Variants in ARL16 observed in about 807,000 individuals in gnomAD.
ARL16 encodes the protein ADP-ribosylation factor-like protein 16.
ARL16 carries 21 observed loss-of-function variants against 14.1 expected under a neutral mutation model. The ratio of observed to expected loss-of-function variants is 1.48; its 90% CI spans 1.05 to 2.14. The LOEUF is 2.14. Among genes scored for constraint, ARL16 ranks in the 30% most tolerant of loss-of-function variants. ARL16 has a pLI of 0.00. For synonymous variants in ARL16, 122 were observed against 91.8 expected (o/e 1.33, Z -1.88); for missense variants, 248 against 222.0 (o/e 1.12, Z -0.74).
Position 81,683,604 on chromosome 17 carries a change from G to A in ARL16, c.62-10C>T. 1 of 1,600,172 alleles carries A rather than the reference G, an allele frequency of 6.2e-7. No individual in the cohort carries two copies. Among genetic ancestry groups the A allele is most frequent in the Non-Finnish European group, 8.5e-7 (1 of 1,175,662 alleles). On this transcript the variant is annotated splice_polypyrimidine_tract_variant and intron_variant, in intron 1 of 4. Coordinates refer to ENST00000622299, the MANE Select transcript of ARL16 (RefSeq NM_001040025.3). ...TCCCGGGAGCTCACCTGTGCGAAGCGGTCAAGGACCCGAGCAGCTAAAGGG... is the reference window on the plus strand; with the variant it reads ...TCCCGGGAGCTCACCTGTGCGAAGCAGTCAAGGACCCGAGCAGCTAAAGGG...
At chr17:81,682,828 C>T (rs2036876929) in intron 3 of ARL16, 185 bp downstream of exon 3, 2 of 601,312 alleles carry the variant, frequency 3.3e-6, no homozygotes, top group Admixed American at 3.1e-5. Context: ...GGCCTGGGAG[C>T]GCAAGCACCA....
In ARL16 at chr17:81,681,599, G is replaced by A. The variant is rs1356750802; in HGVS notation, c.*109C>T. 4 of 1,245,604 alleles carry A rather than the reference G, an allele frequency of 3.2e-6. No individual in the cohort carries two copies. In the African/African-American group the frequency reaches 6.1e-5, roughly 19 times the overall value. 77.2% of individuals were successfully genotyped at this position (1,245,604 alleles called of 1,614,324 possible). On this transcript the variant is annotated 3_prime_UTR_variant, in exon 5 of 5. Transcript: ENST00000622299. Reference sequence around the variant, plus strand: ...CTCAGCACAGAGCCCCATCATGTAGGGTTACTTTGGGTTATTCTGCCCCTG... The same window carrying A: ...CTCAGCACAGAGCCCCATCATGTAGAGTTACTTTGGGTTATTCTGCCCCTG...
rs1465638226 is a variant in ARL16 at position 81,683,696 on chromosome 17, G to T, written c.58C>A (p.Gln20Lys). The T allele has an allele frequency of 1.2e-6, 2 of 1,604,584 alleles. No homozygotes were observed. Among genetic ancestry groups the T allele is most frequent in the Non-Finnish European group, 1.7e-6 (2 of 1,176,704 alleles). The part of the protein sequence containing the change: ...VGKTLLVKRL[Q>K]EVSSRDGKGD... The stretch of plus-strand genomic sequence containing the variant: ...CCGTCCCCGCGCGGAAGGATATCCT[G>T]CAGCCGTTTCACCAGCAGCGTCTTC... The change falls in exon 1 of 5, where the codon CAG becomes AAG. Residue 20 changes from glutamine to lysine, a missense_variant. Transcript: ENST00000622299.
At position 81,683,496 on chromosome 17, in the gene ARL16, C is replaced by G. The variant is rs1026276668; in HGVS notation, c.120+40G>C. 1.8e-5 allele frequency: 28 copies of G among 1,521,744 alleles called. No individual in the cohort carries two copies. In the African/African-American group the frequency reaches 3.6e-4, roughly 20 times the overall value. The allele number at this position is 1,521,744 out of a possible 1,614,324, so 94.3% of individuals were successfully genotyped here. On this transcript the variant is annotated intron_variant, in intron 2 of 4. Transcript: ENST00000622299. Reference sequence around the variant, plus strand: ...CCGGAGCTCTTCGCCAAGCGCAGAACTGACCCCCCGCAACTCCACCCGCGG... The same window carrying G: ...CCGGAGCTCTTCGCCAAGCGCAGAAGTGACCCCCCGCAACTCCACCCGCGG...
rs761235155 is a variant in ARL16 at position 81,683,064 on chromosome 17, C to T, written c.183G>A (p.Gly61=). Residue 61 remains glycine, a synonymous_variant, in exon 3 of 5, where the codon GGG becomes GGA. Transcript: ENST00000622299. Reference sequence around the variant, plus strand: ...AACTGGACCAGATGGGGCCCATGCACCCCCCAAGCTCCCGGATGGTGATCT... The same window carrying T: ...AACTGGACCAGATGGGGCCCATGCATCCCCCAAGCTCCCGGATGGTGATCT... ...QRKITIRELG[G]CMGPIWSSYY... is the part of the protein sequence containing the mutation. The T allele has an allele frequency of 6.8e-6, 11 of 1,613,458 alleles. No homozygotes were observed. The East Asian group carries it at 8.9e-5, about 13-fold the overall frequency.
rs2036900824 is a variant in ARL16, at chr17:81,683,528, A to G, written c.120+8T>C. On this transcript the variant is annotated splice_region_variant and intron_variant, in intron 2 of 4. Coordinates refer to ENST00000622299, the MANE Select transcript of ARL16 (RefSeq NM_001040025.3). ...CCCGCAACTCCACCCGCGGGGGCGG[A>G]CACCTACCGTGGGCCGTGTCGGGGG... 1.9e-6 allele frequency: 3 copies of G among 1,575,818 alleles called. No individual in the cohort carries two copies. Among genetic ancestry groups the G allele is most frequent in the South Asian group, 1.2e-5 (1 of 85,266 alleles).
chr17:81,683,245 T>C, intron 2 of ARL16, 119 bp from the exon 3 acceptor site: 2 of 1,012,006 alleles, frequency 2.0e-6, no homozygotes, highest in South Asian at 3.1e-5. Context: ...CCATTCTCCC[T>C]AACGCAGGAA....
chr17:81,681,888 A>C lies in ARL16; in HGVS notation c.351-9T>G. 3 of 1,610,520 alleles carry C rather than the reference A, an allele frequency of 1.9e-6. No individual in the cohort carries two copies. The highest frequency in any genetic ancestry group is 2.5e-6 in the Non-Finnish European group (3 of 1,178,632). The stretch of plus-strand genomic sequence containing the variant: ...TGTAACAGGGTAGGTCGCTGGAGAG[A>C]AAGAGGTGCCCCATCAGAGCAGTGG... On this transcript the variant is annotated splice_polypyrimidine_tract_variant and intron_variant, in intron 4 of 4. Transcript: ENST00000622299.
intron 2 of ARL16, 173 bp from the exon 3 acceptor site, chr17:81,683,299 G>C (rs1002816943): frequency 2.5e-6 from 2 of 811,980 alleles, no homozygotes; most frequent in Non-Finnish European, 3.8e-6. Flanking sequence ...GACTCGCTGT[G>C]GGGGCGACCA....
chr17:81,681,890 A>G lies in ARL16; in HGVS notation c.351-11T>C. The G allele has an allele frequency of 6.2e-7, 1 of 1,610,302 alleles. No homozygotes were observed. The highest frequency in any genetic ancestry group is 8.5e-7 in the Non-Finnish European group (1 of 1,178,480). On this transcript the variant is annotated splice_polypyrimidine_tract_variant and intron_variant, in intron 4 of 4. Transcript: ENST00000622299. ...TAACAGGGTAGGTCGCTGGAGAGAA[A>G]GAGGTGCCCCATCAGAGCAGTGGCA...
At chr17:81,683,410 C>G (rs2036897109) in intron 2 of ARL16, 126 bp downstream of exon 2, 1 of 1,284,806 alleles carries the variant, frequency 7.8e-7, no homozygotes, top group Non-Finnish European at 1.0e-6. Flanking sequence ...TCCCCCGCTC[C>G]CGAAGGCTGG....
intron 2 of ARL16, 157 bp downstream of exon 2, chr17:81,683,379 A>G (rs1180046014): frequency 1.8e-6 from 2 of 1,084,218 alleles, no homozygotes; most frequent in African/African-American, 1.6e-5. Flanking sequence ...ATCCCGCGCC[A>G]ATTATCCTCA....
chr17:81,681,944 G>A, intron 4 of ARL16, 65 bp from the exon 5 acceptor site: 1 of 1,564,148 alleles, frequency 6.4e-7, no homozygotes, highest in Non-Finnish European at 8.7e-7. Flanking sequence ...ACCCCCAGCT[G>A]CACCACCTCC....
At chr17:81,682,815 G>A (rs760904460) in intron 3 of ARL16, 198 bp downstream of exon 3, 3 of 585,382 alleles carry the variant, frequency 5.1e-6, no homozygotes, top group Non-Finnish European at 6.0e-6. Context: ...AGCTCCTACC[G>A]GGGGCCTGGG....
In ARL16 at chr17:81,681,701, C is replaced by G. The variant is rs769504153; in HGVS notation, c.*7G>C. The G allele has an allele frequency of 1.3e-6, 2 of 1,596,910 alleles. No homozygotes were observed. Among genetic ancestry groups the G allele is most frequent in the South Asian group, 2.3e-5 (2 of 88,816 alleles). ...CAGCTCAGGCCAGCTGCGCCTCTGCCGTGCAGTCAATCGTTGGCTCTGTGG... is the reference window on the plus strand; with the variant it reads ...CAGCTCAGGCCAGCTGCGCCTCTGCGGTGCAGTCAATCGTTGGCTCTGTGG... On this transcript the variant is annotated 3_prime_UTR_variant, in exon 5 of 5. Transcript: ENST00000622299.
chr17:81,681,499 C>T lies in ARL16; in HGVS notation c.*209G>A. 1.6e-6 allele frequency: 1 copy of T among 607,128 alleles called. No homozygotes were observed. Among genetic ancestry groups the T allele is most frequent in the Non-Finnish European group, 2.7e-6 (1 of 366,634 alleles). The allele number at this position is 607,128 out of a possible 1,614,324, so 37.6% of individuals were successfully genotyped here. A position where few individuals can be genotyped will look rare whatever the true frequency, so the allele number is the denominator to read the frequency against. Reference sequence around the variant, plus strand: ...TACAGGTGTGAGCCACCATGCCTAGCCCCTGGGGACACTTTTTTCAGAGGC... The same window carrying T: ...TACAGGTGTGAGCCACCATGCCTAGTCCCTGGGGACACTTTTTTCAGAGGC... On this transcript the variant is annotated 3_prime_UTR_variant, in exon 5 of 5. Transcript: ENST00000622299.
In ARL16 at chr17:81,681,626, G is replaced by A. The variant is rs942620739; in HGVS notation, c.*82C>T. The A allele has an allele frequency of 1.4e-4, 207 of 1,441,022 alleles. No homozygotes were observed. The highest frequency in any genetic ancestry group is 1.8e-4 in the Non-Finnish European group (193 of 1,088,610). The allele number at this position is 1,441,022 out of a possible 1,614,324, so 89.3% of individuals were successfully genotyped here. A position where few individuals can be genotyped will look rare whatever the true frequency, so the allele number is the denominator to read the frequency against. ...TTACTTTGGGTTATTCTGCCCCTGT[G>A]AGAAGAAACTATTGGCAGCAAAGCC... is the stretch of plus-strand genomic sequence containing the variant. On this transcript the variant is annotated 3_prime_UTR_variant, in exon 5 of 5. Coordinates refer to ENST00000622299, the MANE Select transcript of ARL16 (RefSeq NM_001040025.3).
At chr17:81,682,444 A>G (rs1447212143) in intron 3 of ARL16, 8 of 228,502 alleles carry the variant, frequency 3.5e-5, no homozygotes, top group Middle Eastern at 1.5e-3. Flanking sequence ...GGGTTTCACC[A>G]TGTTAGTCAG....
chr17:81,682,311 A>G, intron 3 of ARL16, 162 bp from the exon 4 acceptor site: 2 of 529,764 alleles, frequency 3.8e-6, no homozygotes, highest in East Asian at 3.6e-5. Context: ...ATCTCGGCTC[A>G]CTGAAACTCC....
Sources: gnomAD v4.1 joint callset for allele counts on GRCh38, gnomAD v4.1.1 for gene constraint, MANE v1.5 for transcripts, NCBI Gene and HGNC (gene_info 2026-07-23, HGNC 2026-07-21) for gene names.